NEGR1: variants seen among roughly 807,000 people sequenced by gnomAD.
The protein encoded by NEGR1 is neuronal growth regulator 1.
NEGR1 carries 10 observed loss-of-function variants against 40.9 expected under a neutral mutation model. The ratio of observed to expected loss-of-function variants is 0.24; its 90% CI spans 0.15 to 0.42. The LOEUF (loss-of-function observed/expected upper bound fraction) is 0.42. Among genes scored for constraint, NEGR1 ranks in the 10% least tolerant of loss-of-function variants. The pLI, the probability that NEGR1 is intolerant of heterozygous loss-of-function variation, is 1.00. For missense variants in NEGR1, 352 were observed against 438.9 expected, an observed-to-expected ratio of 0.80 and a Z score of 1.77; for synonymous variants, 185 against 166.8, an observed-to-expected ratio of 1.11 and a Z score of -0.84.
intron 2 of NEGR1, among the ~76,000 whole-genome samples, chr1:71,902,491 C>T (rs185813181): frequency 6.6e-6 from 1 of 152,134 alleles, no homozygotes; most frequent in Non-Finnish European, 1.5e-5. Flanking sequence ...CCTGTTCTAC[C>T]CATTGTATTT....
At chr1:71,839,987 C>A (rs770659819) in intron 2 of NEGR1, among the ~76,000 whole-genome samples, 5 of 152,088 alleles carry the variant, frequency 3.3e-5, no homozygotes, top group Non-Finnish European at 5.9e-5. Flanking sequence ...CATAACATAG[C>A]TGCAGGTGAC....
chr1:71,654,689 T>C (rs552070299), intron 4 of NEGR1, among the ~76,000 whole-genome samples: 1 of 152,258 alleles, frequency 6.6e-6, no homozygotes, highest in East Asian at 1.9e-4. Flanking sequence ...TAATATCAAA[T>C]AGGTCAAGTG....
intron 6 of NEGR1, among the ~76,000 whole-genome samples, chr1:71,428,196 A>G (rs1646441905): frequency 1.1e-4 from 16 of 152,180 alleles, no homozygotes; most frequent in Admixed American, 1.0e-3. Context: ...GCCCTCTTGT[A>G]TTTTCACAGC....
At chr1:71,658,821 T>G (rs111669754) in intron 4 of NEGR1, among the ~76,000 whole-genome samples, 2,113 of 152,328 alleles carry the variant, frequency 0.014, 23 homozygotes, top group Middle Eastern at 0.051. Flanking sequence ...AGAATTTTTA[T>G]ACTTGACAGT....
intron 2 of NEGR1, among the ~76,000 whole-genome samples, chr1:71,779,103 G>C (rs1459799): frequency 6.6e-6 from 1 of 152,120 alleles, no homozygotes; most frequent in Non-Finnish European, 1.5e-5. Flanking sequence ...CTCTGACAAG[G>C]CTCCTCTCCC....
At chr1:72,110,318 A>C (rs1363325884) in intron 1 of NEGR1, among the ~76,000 whole-genome samples, 1 of 151,308 alleles carries the variant, frequency 6.6e-6, no homozygotes, top group Non-Finnish European at 1.5e-5. Context: ...TAGCTACATG[A>C]CTGACTATGA....
chr1:72,243,432 T>C (rs1182007883), intron 1 of NEGR1, among the ~76,000 whole-genome samples: 1 of 151,812 alleles, frequency 6.6e-6, no homozygotes, highest in Non-Finnish European at 1.5e-5. Flanking sequence ...GTTTATCCCC[T>C]GTGACACGCA....
At chr1:72,202,373 T>C (rs1402630649) in intron 1 of NEGR1, among the ~76,000 whole-genome samples, 2 of 151,840 alleles carry the variant, frequency 1.3e-5, no homozygotes, top group East Asian at 3.9e-4. Context: ...AATGATCACA[T>C]ACCTCTCACT....
At chr1:71,888,478 C>A (rs1290864419) in intron 2 of NEGR1, among the ~76,000 whole-genome samples, 1 of 151,842 alleles carries the variant, frequency 6.6e-6, no homozygotes, top group Admixed American at 6.6e-5. Context: ...AAAATCGGGT[C>A]ACTCCCACCC....
At position 72,265,911 on chromosome 1, in the gene NEGR1, C is replaced by T. The variant is rs1375842722; in HGVS notation, c.176+16408G>A. On this transcript the variant is annotated intron_variant, in intron 1 of 6. Transcript: ENST00000357731. ...TTGTGATGTCCTATTTTATACTCCC[C>T]TATTCAAAAAAATACTACAGTATGT... 4.0e-5 allele frequency among the ~76,000 whole-genome samples: 6 copies of T among 150,452 alleles called. No homozygotes were observed. The South Asian group carries it at 1.2e-3, about 31-fold the overall frequency.
At chr1:71,772,272 C>T (rs4650122) in intron 3 of NEGR1, among the ~76,000 whole-genome samples, 113,448 of 151,916 alleles carry the variant, frequency 0.75, 44,267 homozygotes, top group East Asian at 0.86. Context: ...GGTGTGGTGG[C>T]GCACGCTTGC....
chr1:71,633,838 C>T (rs908687051), intron 4 of NEGR1, among the ~76,000 whole-genome samples: 8 of 152,118 alleles, frequency 5.3e-5, no homozygotes, highest in African/African-American at 1.9e-4. Flanking sequence ...AAGCACGCAG[C>T]CCATGTGGAG....
At chr1:71,582,979 C>A (rs537366841) in intron 6 of NEGR1, among the ~76,000 whole-genome samples, 6 of 152,126 alleles carry the variant, frequency 3.9e-5, no homozygotes, top group Admixed American at 6.5e-5. Context: ...TTTGGGCTTC[C>A]CTATTCAGAG....
chr1:72,243,777 G>GC (rs1456596671), intron 1 of NEGR1, among the ~76,000 whole-genome samples: 1 of 151,718 alleles, frequency 6.6e-6, no homozygotes, highest in East Asian at 1.9e-4. Flanking sequence ...TGCATTAAGA[G>GC]CCTCATATGC....
At chr1:71,653,941 A>C (rs538597459) in intron 4 of NEGR1, among the ~76,000 whole-genome samples, 1 of 152,278 alleles carries the variant, frequency 6.6e-6, no homozygotes, top group South Asian at 2.1e-4. Flanking sequence ...CCACTTCATG[A>C]CACCTCAGAT....
intron 2 of NEGR1, among the ~76,000 whole-genome samples, chr1:71,916,962 C>A (rs971765205): frequency 6.6e-6 from 1 of 152,062 alleles, no homozygotes; most frequent in East Asian, 1.9e-4. Context: ...TGACTGACAA[C>A]GGGAGTCTGG....
intron 2 of NEGR1, among the ~76,000 whole-genome samples, chr1:71,930,849 T>C (rs1446742028): frequency 6.6e-6 from 1 of 152,206 alleles, no homozygotes; most frequent in African/African-American, 2.4e-5. Context: ...TAGCCTCAGC[T>C]GCCCATGAGG....
intron 2 of NEGR1, among the ~76,000 whole-genome samples, chr1:71,904,275 G>A (rs948584607): frequency 1.3e-5 from 2 of 151,922 alleles, no homozygotes; most frequent in South Asian, 2.1e-4. Flanking sequence ...TGTTAATCGA[G>A]AAGTTATATT....
intron 1 of NEGR1, among the ~76,000 whole-genome samples, chr1:72,122,068 G>T (rs1649825762): frequency 6.6e-6 from 1 of 151,788 alleles, no homozygotes; most frequent in African/African-American, 2.4e-5. Flanking sequence ...ACTTTAGGAA[G>T]AATTTGTAAT....
Sources: allele counts gnomAD v4.1 joint callset (sites outside exome capture counted in the v4.1 genomes callset), GRCh38; gene constraint gnomAD v4.1.1; transcripts MANE v1.5; gene names NCBI Gene and HGNC (gene_info 2026-07-23, HGNC 2026-07-21).